Variants in ADAM22 observed in about 807,000 individuals in gnomAD.
ADAM22 encodes ADAM metallopeptidase domain 22, also known as disintegrin and metalloproteinase domain-containing protein 22.
In ADAM22, 65 loss-of-function variants were observed where a neutral mutation model predicts 144.6. The observed-to-expected ratio is 0.45, with a 90% CI of 0.37 to 0.55. The LOEUF (loss-of-function observed/expected upper bound fraction) is 0.55, where lower values mean the gene tolerates loss of function less well. Among genes scored for constraint, ADAM22 ranks in the 20% least tolerant of loss-of-function variants. ADAM22 has a pLI of 0.00. For synonymous variants in ADAM22, 391 were observed against 412.6 expected, an observed-to-expected ratio of 0.95 and a Z score of 0.63; for missense variants, 974 against 1,184.9, an observed-to-expected ratio of 0.82 and a Z score of 2.61.
At chr7:88,148,950 T>A in intron 17 of ADAM22, 27 bp from the exon 18 acceptor site, 1 of 1,579,170 alleles carries the variant, frequency 6.3e-7, no homozygotes, top group Non-Finnish European at 8.7e-7. Context: ...CCCTACAGTT[T>A]CACACGTTGA....
intron 14 of ADAM22, among the ~76,000 whole-genome samples, chr7:88,137,467 C>T (rs183239877): frequency 6.6e-6 from 1 of 152,146 alleles, no homozygotes; most frequent in Non-Finnish European, 1.5e-5. Flanking sequence ...CATAATACTA[C>T]ATAGATTTTC....
At chr7:88,165,302 A>C (rs1488438569) in intron 23 of ADAM22, among the ~76,000 whole-genome samples, 2 of 152,090 alleles carry the variant, frequency 1.3e-5, no homozygotes, top group Non-Finnish European at 2.9e-5. Context: ...ACCCTGACAT[A>C]GCTAGTATCT....
At position 88,114,170 on chromosome 7, in the gene ADAM22, G is replaced by GA. The variant is rs540516725; in HGVS notation, c.474-410dup. Among the ~76,000 whole-genome samples the GA allele has an allele frequency of 9.1e-4, 138 of 152,248 alleles. No individual in the cohort carries two copies. The Middle Eastern group carries it at 0.01, about 11-fold the overall frequency. ...GTCGGGCGTTCTCAGTATAGTCCCTGAAAACCTGCATCAGGATCACCTGGA... is the reference window on the plus strand; with the variant it reads ...GTCGGGCGTTCTCAGTATAGTCCCTGAAAAACCTGCATCAGGATCACCTGGA... On this transcript the variant is annotated intron_variant, in intron 5 of 31. Coordinates refer to ENST00000413139, the MANE Select transcript of ADAM22 (RefSeq NM_001324418.2).
chr7:87,942,741 T>C (rs1308778872), intron 2 of ADAM22, among the ~76,000 whole-genome samples: 2 of 152,198 alleles, frequency 1.3e-5, no homozygotes, highest in Non-Finnish European at 2.9e-5. Flanking sequence ...TTTGTAGATA[T>C]GTACACTCTC....
chr7:88,031,068 A>G (rs1356509272), intron 3 of ADAM22, among the ~76,000 whole-genome samples: 1 of 152,184 alleles, frequency 6.6e-6, no homozygotes, highest in South Asian at 2.1e-4. Flanking sequence ...GTGAACCAAG[A>G]TCGCGCCACT....
chr7:87,953,386 C>T (rs989034644), intron 2 of ADAM22, among the ~76,000 whole-genome samples: 1 of 152,088 alleles, frequency 6.6e-6, no homozygotes, highest in Non-Finnish European at 1.5e-5. Flanking sequence ...TTTCTGCCTT[C>T]ATTTCGTTAT....
chr7:88,082,337 C>G (rs1018364583), intron 4 of ADAM22, among the ~76,000 whole-genome samples: 1 of 152,252 alleles, frequency 6.6e-6, no homozygotes, highest in East Asian at 1.9e-4. Flanking sequence ...AAAATTAATT[C>G]AAGATGGATT....
intron 31 of ADAM22, among the ~76,000 whole-genome samples, chr7:88,195,038 A>T (rs755593578): frequency 3.3e-5 from 5 of 152,134 alleles, no homozygotes; most frequent in Admixed American, 6.5e-5. Flanking sequence ...TATTAAGGGA[A>T]CCTATATAGA....
intron 16 of ADAM22, 76 bp from the exon 17 acceptor site, chr7:88,145,339 A>G: frequency 6.7e-7 from 1 of 1,497,808 alleles, no homozygotes; most frequent in Non-Finnish European, 9.2e-7. Flanking sequence ...TTGTACATTT[A>G]TTTTAGAAAA....
intron 3 of ADAM22, among the ~76,000 whole-genome samples, chr7:88,052,341 C>CAA (rs58959590): frequency 2.7e-4 from 34 of 126,444 alleles, no homozygotes; most frequent in Non-Finnish European, 4.9e-4. Context: ...ACTAAAAATG[C>CAA]AAAAAAAAAA....
intron 2 of ADAM22, among the ~76,000 whole-genome samples, chr7:87,939,633 C>A (rs1347616000): frequency 6.6e-6 from 1 of 152,160 alleles, no homozygotes; most frequent in Admixed American, 6.5e-5. Flanking sequence ...AATGCACTTA[C>A]AACAATGCTG....
At chr7:88,061,576 A>G (rs569978624) in intron 3 of ADAM22, among the ~76,000 whole-genome samples, 1 of 152,360 alleles carries the variant, frequency 6.6e-6, no homozygotes, top group South Asian at 2.1e-4. Flanking sequence ...GTCAATGAAT[A>G]GCAATATTTT....
Position 88,152,674 on chromosome 7 carries a change from TTTG to T in ADAM22, c.1682-525_1682-523del, listed in dbSNP as rs34456405. On this transcript the variant is annotated intron_variant, in intron 20 of 31. Coordinates refer to ENST00000413139, the MANE Select transcript of ADAM22 (RefSeq NM_001324418.2). ...CTTCCCTAATTATTGGCCAAATTCT[TTTG>T]TTGTTGTTGTTGTTGTTGTTGAGAT... Among the ~76,000 whole-genome samples, 589 of 151,820 alleles carry T rather than the reference TTTG, an allele frequency of 3.9e-3. 6 individuals are homozygous for T. Among genetic ancestry groups the T allele is most frequent in the African/African-American group, 0.013 (548 of 41,432 alleles).
At chr7:88,139,410 C>A (rs1586092991) in intron 14 of ADAM22, among the ~76,000 whole-genome samples, 2 of 149,624 alleles carry the variant, frequency 1.3e-5, no homozygotes, top group East Asian at 3.9e-4. Context: ...AAGAGTGAGA[C>A]TCCATCTCTA....
chr7:88,167,417 AC>A (rs1337675574), intron 24 of ADAM22, among the ~76,000 whole-genome samples: 1 of 152,108 alleles, frequency 6.6e-6, no homozygotes, highest in African/African-American at 2.4e-5. Context: ...GGATACTGGC[AC>A]AACAATGCCA....
chr7:88,177,763 C>T (rs942297097), intron 26 of ADAM22, among the ~76,000 whole-genome samples: 1 of 152,066 alleles, frequency 6.6e-6, no homozygotes, highest in Non-Finnish European at 1.5e-5. Flanking sequence ...AGCAAGCAAA[C>T]ACCTGAAAAT....
chr7:88,148,169 G>A (rs1468235350), intron 17 of ADAM22, among the ~76,000 whole-genome samples: 4 of 152,154 alleles, frequency 2.6e-5, no homozygotes, highest in Non-Finnish European at 5.9e-5. Flanking sequence ...TAGAAAGTGA[G>A]GGAAGCAGAA....
At chr7:87,956,936 A>T (rs889020424) in intron 2 of ADAM22, among the ~76,000 whole-genome samples, 1 of 152,148 alleles carries the variant, frequency 6.6e-6, no homozygotes. Flanking sequence ...GTATCGTAAA[A>T]ATTACTTATT....
intron 22 of ADAM22, among the ~76,000 whole-genome samples, chr7:88,158,608 CA>C (rs1313627248): frequency 1.3e-5 from 2 of 151,840 alleles, no homozygotes; most frequent in Non-Finnish European, 2.9e-5. Context: ...AATTTTTTTT[CA>C]AAACCATGCA....
Sources: allele counts gnomAD v4.1 joint callset (sites outside exome capture counted in the v4.1 genomes callset), GRCh38; gene constraint gnomAD v4.1.1; transcripts MANE v1.5; gene names NCBI Gene and HGNC (gene_info 2026-07-23, HGNC 2026-07-21).